CD46: variants seen among roughly 807,000 people sequenced by gnomAD.
CD46 encodes the protein CD46 molecule, also known as membrane cofactor protein.
CD46 carries 30 observed loss-of-function variants against 53.3 expected under a neutral mutation model. That is an observed-to-expected ratio of 0.56 (90% CI 0.42 to 0.76). The LOEUF is 0.76. Ranked by LOEUF, CD46 falls within the 30% of genes least tolerant of loss-of-function variation. The pLI is 0.00. For missense variants in CD46, 409 were observed against 463.0 expected, an observed-to-expected ratio of 0.88 and a Z score of 1.07; for synonymous variants, 142 against 152.0, an observed-to-expected ratio of 0.93 and a Z score of 0.48.
At chr1:207,767,336 C>T (rs1248831999) in intron 6 of CD46, 141 bp downstream of exon 6, 2 of 800,088 alleles carry the variant, frequency 2.5e-6, no homozygotes, top group East Asian at 5.3e-5. Context: ...GTCTTGTATT[C>T]ATTTCTATGC....
Position 207,767,783 on chromosome 1 carries a change from G to A in CD46, c.861G>A (p.Ser287=), listed in dbSNP as rs17006843. ...CATTATTATTTTGTTTTCCAGTGTC[G>A]ACTTCTTCCACTACAAAATCTCCAG... The part of the protein sequence containing the change: ...DPPVPKCLKV[S]TSSTTKSPAS... Residue 287 remains serine, a synonymous_variant, in exon 7 of 13, where the codon TCG becomes TCA. Coordinates refer to ENST00000367042, the MANE Select transcript of CD46 (RefSeq NM_172351.3). The A allele has an allele frequency of 6.4e-4, 1,026 of 1,612,580 alleles. 6 individuals carry two copies. In the African/African-American group the frequency reaches 0.012, roughly 18 times the overall value.
intron 8 of CD46, among the ~76,000 whole-genome samples, chr1:207,782,229 T>G (rs1658812827): frequency 6.6e-6 from 1 of 152,224 alleles, no homozygotes. Flanking sequence ...TCATTGTTAG[T>G]GTATAGAAAT....
intron 11 of CD46, among the ~76,000 whole-genome samples, chr1:207,786,214 G>A (rs1173985946): frequency 6.6e-6 from 1 of 152,102 alleles, no homozygotes; most frequent in Non-Finnish European, 1.5e-5. Flanking sequence ...TAAACTGGGG[G>A]ATTCAAAACA....
At chr1:207,754,998 G>T (rs1402702899) in intron 1 of CD46, among the ~76,000 whole-genome samples, 1 of 150,886 alleles carries the variant, frequency 6.6e-6, no homozygotes, top group Non-Finnish European at 1.5e-5. Context: ...TTGCATGCCT[G>T]TGGTCCTAGC....
rs758526726 is a variant in CD46, at chr1:207,761,317, G to A, written c.544G>A (p.Glu182Lys). The A allele has an allele frequency of 6.2e-7, 1 of 1,613,282 alleles. No individual in the cohort carries two copies. Among genetic ancestry groups the A allele is most frequent in the Non-Finnish European group, 8.5e-7 (1 of 1,179,230 alleles). ...CACCTTTAGTGAAGTAGAAGTATTT[G>A]AGTATCTTGATGCAGTAACTTATAG... ...KHTFSEVEVF[E>K]YLDAVTYSCD... is the part of the protein sequence containing the mutation. Residue 182 changes from glutamate (E) to lysine (K), a missense_variant, in exon 5 of 13, where the codon GAG (glutamate) becomes AAG (lysine). By Grantham distance (56) the Glu-to-Lys change is moderately conservative. Coordinates refer to ENST00000367042, the MANE Select transcript of CD46 (RefSeq NM_172351.3).
At chr1:207,782,723 C>T (rs1658879782) in intron 8 of CD46, among the ~76,000 whole-genome samples, 1 of 136,366 alleles carries the variant, frequency 7.3e-6, no homozygotes, top group Admixed American at 7.9e-5. Flanking sequence ...TCTCGGCTCA[C>T]TGCAACCTCC....
chr1:207,777,189 G>A (rs1558069023), intron 8 of CD46, among the ~76,000 whole-genome samples: 1 of 152,084 alleles, frequency 6.6e-6, no homozygotes, highest in Admixed American at 6.5e-5. Context: ...CATGAGTAGT[G>A]TATGAATATA....
rs554217009 is a variant in CD46 at position 207,758,890 on chromosome 1, G to A, written c.390-749G>A. Among the ~76,000 whole-genome samples, 8 of 152,042 alleles carry A rather than the reference G, an allele frequency of 5.3e-5. No homozygotes were observed. In the East Asian group the frequency reaches 1.5e-3, roughly 29 times the overall value. On this transcript the variant is annotated intron_variant, in intron 3 of 12. Coordinates refer to ENST00000367042, the MANE Select transcript of CD46 (RefSeq NM_172351.3). Reference sequence around the variant, plus strand: ...TATTGAGAAATAATATATACTGAGAGCAATAAAAGCAAAATACTAAATGAG... The same window carrying A: ...TATTGAGAAATAATATATACTGAGAACAATAAAAGCAAAATACTAAATGAG...
At chr1:207,788,091 T>G (rs1022947709) in intron 11 of CD46, among the ~76,000 whole-genome samples, 1 of 152,152 alleles carries the variant, frequency 6.6e-6, no homozygotes, top group Non-Finnish European at 1.5e-5. Flanking sequence ...ACTATGAAGC[T>G]TATTGGCAAA....
intron 8 of CD46, 21 bp from the exon 9 acceptor site, chr1:207,783,271 A>G (rs1658954659): frequency 2.3e-6 from 3 of 1,315,734 alleles, no homozygotes; most frequent in Non-Finnish European, 3.3e-6. Flanking sequence ...AATTTAATCT[A>G]TATTTCTTCT....
chr1:207,765,013 ATCCTT>A (rs1205453935), intron 5 of CD46, among the ~76,000 whole-genome samples: 1 of 151,532 alleles, frequency 6.6e-6, no homozygotes, highest in Non-Finnish European at 1.5e-5. Context: ...TACAAATAAT[ATCCTT>A]GATGAACACA....
chr1:207,791,938 T>A (rs1659830719), intron 12 of CD46, among the ~76,000 whole-genome samples: 1 of 152,364 alleles, frequency 6.6e-6, no homozygotes, highest in Middle Eastern at 3.4e-3. Context: ...TTTAAAACTT[T>A]ATTTAAAGAA....
chr1:207,785,220 C>T (rs373908494), intron 10 of CD46, 114 bp downstream of exon 10: 10 of 821,972 alleles, frequency 1.2e-5, no homozygotes, highest in African/African-American at 1.0e-4. Flanking sequence ...TTGGTTAAAC[C>T]GATTTAGGAA....
At chr1:207,790,764 G>A (rs1379256412) in intron 12 of CD46, among the ~76,000 whole-genome samples, 3 of 152,126 alleles carry the variant, frequency 2.0e-5, no homozygotes, top group African/African-American at 4.8e-5. Context: ...CAATTCCAAC[G>A]TATAAATAAC....
At chr1:207,767,339 T>G in intron 6 of CD46, 144 bp downstream of exon 6, 1 of 795,930 alleles carries the variant, frequency 1.3e-6, no homozygotes, top group Non-Finnish European at 2.1e-6. Flanking sequence ...TTGTATTCAT[T>G]TCTATGCCAG....
chr1:207,770,397 G>A (rs748624130), intron 8 of CD46, 35 bp downstream of exon 8: 1 of 1,413,652 alleles, frequency 7.1e-7, no homozygotes, highest in Admixed American at 1.7e-5. Flanking sequence ...ATATTGTTAA[G>A]AATTTATTTA....
intron 8 of CD46, among the ~76,000 whole-genome samples, chr1:207,779,425 G>A (rs1253859441): frequency 6.6e-6 from 1 of 152,030 alleles, no homozygotes; most frequent in Non-Finnish European, 1.5e-5. Flanking sequence ...CTCTTAGATT[G>A]TAGTTGTGTT....
chr1:207,768,250 G>A (rs1298131839), intron 7 of CD46: 1 of 183,552 alleles, frequency 5.4e-6, no homozygotes, highest in Non-Finnish European at 1.1e-5. Context: ...ATGTATGTTT[G>A]TTAGTATGTG....
In CD46 at chr1:207,779,641, T is replaced by C. The variant is rs184504867; in HGVS notation, c.944-3651T>C. On this transcript the variant is annotated intron_variant, in intron 8 of 12. Coordinates refer to ENST00000367042, the MANE Select transcript of CD46 (RefSeq NM_172351.3). Reference sequence around the variant, plus strand: ...CTGTATGCTGAAATTGTATGAAGATTTCAACCATGTGTTCTGACTTTGGTC... The same window carrying C: ...CTGTATGCTGAAATTGTATGAAGATCTCAACCATGTGTTCTGACTTTGGTC... Among the ~76,000 whole-genome samples the C allele has an allele frequency of 5.3e-5, 8 of 152,276 alleles. No homozygotes were observed. The East Asian group carries it at 1.2e-3, about 22-fold the overall frequency.
Sources: allele counts gnomAD v4.1 joint callset (sites outside exome capture counted in the v4.1 genomes callset), GRCh38; gene constraint gnomAD v4.1.1; transcripts MANE v1.5; gene names NCBI Gene and HGNC (gene_info 2026-07-23, HGNC 2026-07-21).